The following CSRNP2 variants were observed in gnomAD, a reference collection of about 807,000 sequenced individuals.
CSRNP2 encodes cysteine and serine rich nuclear protein 2, also known as cysteine/serine-rich nuclear protein 2.
A neutral mutation model predicts 36.6 loss-of-function variants in CSRNP2; 11 were observed. That is an observed-to-expected ratio of 0.30 (90% CI 0.19 to 0.50). The LOEUF is 0.50. Among genes scored for constraint, CSRNP2 ranks in the 20% least tolerant of loss-of-function variants. CSRNP2 has a pLI of 0.98. For synonymous variants in CSRNP2, 248 were observed against 275.3 expected (o/e 0.90, Z 0.98); for missense variants, 483 against 691.4 (o/e 0.70, Z 3.38).
chr12:51,079,916 T>C (rs1347073401), intron 1 of CSRNP2, among the ~76,000 whole-genome samples: 2 of 135,822 alleles, frequency 1.5e-5, no homozygotes, highest in Non-Finnish European at 3.1e-5. Context: ...CTACCAAAAA[T>C]ACAATGATTA....
In CSRNP2 at chr12:51,076,520, A is replaced by T. The variant is rs1467024015; in HGVS notation, c.42T>A (p.Asp14Glu). The change falls in exon 2 of 5, where the codon GAT (aspartate) becomes GAA (glutamate). Residue 14 changes from aspartate (D) to glutamate (E), a missense_variant. Asp to Glu is a conservative substitution (Grantham distance 45). Around this residue, in one of 2 missense-constraint regions of CSRNP2, gnomAD observed 206 missense variants for 367.8 expected, o/e 0.56. Coordinates refer to ENST00000228515, the MANE Select transcript of CSRNP2 (RefSeq NM_030809.3). ...FTGSGLKRKF[D>E]DVDVGSSVSN... ...AAACTGATGAGCCCACATCCACATCATCAAACTTCCTCTTGAGACCCGAGC... is the reference window on the plus strand; with the variant it reads ...AAACTGATGAGCCCACATCCACATCTTCAAACTTCCTCTTGAGACCCGAGC... The T allele has an allele frequency of 6.2e-7, 1 of 1,614,092 alleles. No homozygotes were observed. The highest frequency in any genetic ancestry group is 2.2e-5 in the East Asian group (1 of 44,870).
chr12:51,063,966 C>G lies in CSRNP2; in HGVS notation c.1412G>C (p.Cys471Ser). ...ACSSTDPAAL[C>S]KSEVGKTPTL... ...GGGTGTTTTCCCCACCTCTGATTTA[C>G]AGAGGGCAGCTGGGTCTGTGGAGCT... is the stretch of plus-strand genomic sequence containing the variant. Residue 471 changes from cysteine (C) to serine (S), a missense_variant, in exon 5 of 5, where the codon TGT becomes TCT. By Grantham distance (112) the Cys-to-Ser change is moderately radical. Around this residue, in one of 2 missense-constraint regions of CSRNP2, gnomAD observed 277 missense variants for 323.6 expected, o/e 0.86. Coordinates refer to ENST00000228515, the MANE Select transcript of CSRNP2 (RefSeq NM_030809.3). 1 of 1,613,274 alleles carries G rather than the reference C, an allele frequency of 6.2e-7. No homozygotes were observed. The highest frequency in any genetic ancestry group is 1.1e-5 in the South Asian group (1 of 91,064).
At position 51,067,993 on chromosome 12, in the gene CSRNP2, G is replaced by C. The variant is rs1938564468; in HGVS notation, c.412-24C>G. The C allele has an allele frequency of 6.2e-7, 1 of 1,606,884 alleles. No homozygotes were observed. The highest frequency in any genetic ancestry group is 1.3e-5 in the African/African-American group (1 of 74,818). On this transcript the variant is annotated intron_variant, in intron 3 of 4. Coordinates refer to ENST00000228515, the MANE Select transcript of CSRNP2 (RefSeq NM_030809.3). The surrounding 1 kb of genome is among the most constrained non-coding windows in gnomAD (Gnocchi z 4.1). ...AGCTGCCAAGAGACAGGAAAGGTTA[G>C]CCTCATAGACATGAGCGGCATGCAC...
chr12:51,072,581 A>C (rs1219992451), intron 3 of CSRNP2, among the ~76,000 whole-genome samples: 3 of 145,694 alleles, frequency 2.1e-5, no homozygotes, highest in African/African-American at 7.6e-5. Context: ...AAAAAAAAAA[A>C]AAAAAAAAAA....
At position 51,063,937 on chromosome 12, in the gene CSRNP2, G is replaced by C. The variant is rs140038570; in HGVS notation, c.1441C>G (p.Leu481Val). ...CAATCTTCGGGCAATAGAGCTTCTAGGGTGGGTGTTTTCCCCACCTCTGAT... is the reference window on the plus strand; with the variant it reads ...CAATCTTCGGGCAATAGAGCTTCTACGGTGGGTGTTTTCCCCACCTCTGAT... ...CKSEVGKTPTLEALLPEDCNP... is the reference protein window; with the variant it reads ...CKSEVGKTPTVEALLPEDCNP... The change falls in exon 5 of 5, where the codon CTA becomes GTA. Residue 481 changes from leucine to valine, a missense_variant. By Grantham distance (32) the Leu-to-Val change is conservative. Coordinates refer to ENST00000228515, the MANE Select transcript of CSRNP2 (RefSeq NM_030809.3). 2,343 of 1,613,418 alleles carry C rather than the reference G, an allele frequency of 1.5e-3. 23 individuals are homozygous for C. The African/African-American group carries it at 0.023, about 16-fold the overall frequency.
At chr12:51,070,869 G>A (rs952812003) in intron 3 of CSRNP2, among the ~76,000 whole-genome samples, 15 of 151,704 alleles carry the variant, frequency 9.9e-5, no homozygotes, top group African/African-American at 3.4e-4. Flanking sequence ...GTGCAGTGGC[G>A]CATGACTGTT....
chr12:51,081,034 T>C (rs988074758), intron 1 of CSRNP2, among the ~76,000 whole-genome samples: 3 of 152,144 alleles, frequency 2.0e-5, no homozygotes, highest in African/African-American at 7.2e-5. Context: ...ATGCCTGTAA[T>C]CCTAGCACTT....
intron 1 of CSRNP2, among the ~76,000 whole-genome samples, chr12:51,078,678 T>A (rs12810174): frequency 0.17 from 26,290 of 152,096 alleles, 2,367 homozygotes; most frequent in South Asian, 0.26. Context: ...TGAGATACCA[T>A]CTCACACCAG....
chr12:51,066,535 G>C (rs1938343307), intron 4 of CSRNP2, among the ~76,000 whole-genome samples: 1 of 151,844 alleles, frequency 6.6e-6, no homozygotes, highest in Non-Finnish European at 1.5e-5. Flanking sequence ...CAGCTACTTG[G>C]GAGGCTGAGG....
In CSRNP2 at chr12:51,076,648, CTGCCCAGGG is replaced by C; in HGVS notation, c.-86-10_-86-2del. The C allele has an allele frequency of 1.3e-6, 2 of 1,496,076 alleles. No homozygotes were observed. The highest frequency in any genetic ancestry group is 1.8e-5 in the Admixed American group (1 of 55,906). 92.7% of individuals were successfully genotyped at this position (1,496,076 alleles called of 1,614,324 possible). A position where few individuals can be genotyped will look rare whatever the true frequency, so the allele number is the denominator to read the frequency against. ...CCAGCTAGCCAGGTACATTAGGATT[CTGCCCAGGG>C]AAAAAAAGGAATCAGCATTCCTGTC... On this transcript the variant is annotated splice_acceptor_variant and splice_polypyrimidine_tract_variant and intron_variant, in intron 1 of 4. Coordinates refer to ENST00000228515, the MANE Select transcript of CSRNP2 (RefSeq NM_030809.3). LOFTEE classifies it low-confidence loss of function (5UTR_SPLICE).
chr12:51,081,781 G>GT (rs150834716), intron 1 of CSRNP2, among the ~76,000 whole-genome samples: 1 of 151,568 alleles, frequency 6.6e-6, no homozygotes, highest in Non-Finnish European at 1.5e-5. Context: ...CTAGATCTAA[G>GT]TTTTTTTCAG....
Position 51,068,008 on chromosome 12 carries a change from G to A in CSRNP2, c.412-39C>T, listed in dbSNP as rs188194107. The A allele has an allele frequency of 3.2e-6, 5 of 1,586,866 alleles. No individual in the cohort carries two copies. The Admixed American group carries it at 5.1e-5, about 16-fold the overall frequency. Reference sequence around the variant, plus strand: ...GGAAAGGTTAGCCTCATAGACATGAGCGGCATGCACCTCCTCAGTGACCAT... The same window carrying A: ...GGAAAGGTTAGCCTCATAGACATGAACGGCATGCACCTCCTCAGTGACCAT... On this transcript the variant is annotated intron_variant, in intron 3 of 4. Transcript: ENST00000228515.
chr12:51,073,730 A>G (rs1309510589), intron 3 of CSRNP2, 93 bp downstream of exon 3: 37 of 102,794 alleles, frequency 3.6e-4, no homozygotes, highest in Admixed American at 9.6e-4. Flanking sequence ...TGTCCCAGAA[A>G]AAAAAAAAAA....
At position 51,063,677 on chromosome 12, in the gene CSRNP2, T is replaced by C. The variant is rs1937798604; in HGVS notation, c.*69A>G. The C allele has an allele frequency of 1.6e-6, 2 of 1,260,988 alleles. No homozygotes were observed. Among genetic ancestry groups the C allele is most frequent in the Non-Finnish European group, 2.1e-6 (2 of 936,894 alleles). The allele number at this position is 1,260,988 out of a possible 1,614,324, so 78.1% of individuals were successfully genotyped here. A position where few individuals can be genotyped will look rare whatever the true frequency, so the allele number is the denominator to read the frequency against. On this transcript the variant is annotated 3_prime_UTR_variant, in exon 5 of 5. Coordinates refer to ENST00000228515, the MANE Select transcript of CSRNP2 (RefSeq NM_030809.3). The stretch of plus-strand genomic sequence containing the variant: ...CAGCAGCTGCTTCTACAGTTTTGTT[T>C]TGAAATGGTGTTAGATAAAATAAGG...
At position 51,073,211 on chromosome 12, in the gene CSRNP2, C is replaced by T. The variant is rs1939258706; in HGVS notation, c.411+612G>A. 2.0e-5 allele frequency among the ~76,000 whole-genome samples: 3 copies of T among 150,020 alleles called. No homozygotes were observed. In the South Asian group the frequency reaches 6.5e-4, roughly 32 times the overall value. The stretch of plus-strand genomic sequence containing the variant: ...TCCAGCCTGGGTGACAGAGAGAGAC[C>T]CTGTCTCAAAAGAAAACATACATAC... On this transcript the variant is annotated intron_variant, in intron 3 of 4. Coordinates refer to ENST00000228515, the MANE Select transcript of CSRNP2 (RefSeq NM_030809.3).
Position 51,064,301 on chromosome 12 carries a change from G to A in CSRNP2, c.1077C>T (p.Cys359=). 1 of 1,613,852 alleles carries A rather than the reference G, an allele frequency of 6.2e-7. No individual in the cohort carries two copies. The highest frequency in any genetic ancestry group is 1.7e-4 in the Middle Eastern group (1 of 6,054). Residue 359 remains cysteine (C), a synonymous_variant, in exon 5 of 5, where the codon TGC becomes TGT. Transcript: ENST00000228515. ...GGACAGCCAGAGGCTCCTCTAGGAT[G>A]CACACACCCAGGCTCTCGATGCTCG... ...LDSSIESLGV[C]ILEEPLAVPE... is the part of the protein sequence containing the mutation.
chr12:51,076,585 G>T lies in CSRNP2; in HGVS notation c.-24C>A. ...ATTGGTTTCAAAGGGGTTTCCTTGG[G>T]GAGCCCACCAAGTTGGCCCCAAAGC... On this transcript the variant is annotated 5_prime_UTR_variant, in exon 2 of 5. Transcript: ENST00000228515. The T allele has an allele frequency of 6.2e-7, 1 of 1,613,354 alleles. No individual in the cohort carries two copies. The highest frequency in any genetic ancestry group is 8.5e-7 in the Non-Finnish European group (1 of 1,179,494).
In CSRNP2 at chr12:51,069,184, C is replaced by A. The variant is rs149419152; in HGVS notation, c.412-1215G>T. 0.014 allele frequency among the ~76,000 whole-genome samples: 2,121 copies of A among 152,044 alleles called. 98 individuals carry two copies. The East Asian group carries it at 0.16, about 12-fold the overall frequency. On this transcript the variant is annotated intron_variant, in intron 3 of 4. Transcript: ENST00000228515. ...TAGACATGGGGTTTCACCGTGTTAG[C>A]CAGGATGGTCTCAATCTCCTGACCT...
At chr12:51,069,650 T>C (rs1300068470) in intron 3 of CSRNP2, among the ~76,000 whole-genome samples, 1 of 150,356 alleles carries the variant, frequency 6.7e-6, no homozygotes, top group Non-Finnish European at 1.5e-5. Context: ...TCAATAATAC[T>C]GAGCGTACTA....
Sources: allele counts gnomAD v4.1 joint callset (sites outside exome capture counted in the v4.1 genomes callset), GRCh38; gene constraint gnomAD v4.1.1; regional missense constraint gnomAD v4.1.1; non-coding constraint Gnocchi (gnomAD v3.1); transcripts MANE v1.5; gene names NCBI Gene and HGNC (gene_info 2026-07-23, HGNC 2026-07-21).